Variants in SPATS2L observed in about 807,000 individuals in gnomAD.
The protein encoded by SPATS2L is spermatogenesis associated serine rich 2 like.
In SPATS2L, 30 loss-of-function variants were observed where a neutral mutation model predicts 59.6. The ratio of observed to expected loss-of-function variants is 0.50; its 90% CI spans 0.38 to 0.68. SPATS2L has a LOEUF of 0.68. Among genes scored for constraint, SPATS2L ranks in the 30% least tolerant of loss-of-function variants. SPATS2L has a pLI of 0.00. For synonymous variants in SPATS2L, 252 were observed against 263.5 expected (o/e 0.96, Z 0.42); for missense variants, 615 against 700.0 (o/e 0.88, Z 1.37).
At chr2:200,347,736 G>A (rs2080565381) in intron 2 of SPATS2L, among the ~76,000 whole-genome samples, 1 of 152,190 alleles carries the variant, frequency 6.6e-6, no homozygotes, top group African/African-American at 2.4e-5. Context: ...ACCCCACCAA[G>A]TATGCCAGTT....
rs529634708 is a variant in SPATS2L, at chr2:200,435,534, C to A, written c.446-3588C>A. ...CGAGGCTCCCTACAACTGGAAGGGC[C>A]GTAGGCATGCATAGCACTGAAGTAA... is the stretch of plus-strand genomic sequence containing the variant. On this transcript the variant is annotated intron_variant, in intron 6 of 12. Transcript: ENST00000409140. Among the ~76,000 whole-genome samples, 3 of 152,098 alleles carry A rather than the reference C, an allele frequency of 2.0e-5. No homozygotes were observed. In the South Asian group the frequency reaches 6.2e-4, roughly 32 times the overall value.
chr2:200,471,021 G>A (rs1370016166), intron 11 of SPATS2L, among the ~76,000 whole-genome samples: 1 of 152,040 alleles, frequency 6.6e-6, no homozygotes, highest in Non-Finnish European at 1.5e-5. Flanking sequence ...TTAGCTGGGC[G>A]TGGTGGCAGG....
intron 2 of SPATS2L, among the ~76,000 whole-genome samples, chr2:200,370,804 A>G (rs1160774764): frequency 6.6e-6 from 1 of 152,232 alleles, no homozygotes; most frequent in Non-Finnish European, 1.5e-5. Flanking sequence ...CTGTGTACTT[A>G]ATGGCATAAG....
At chr2:200,471,835 G>C (rs1458413378) in intron 11 of SPATS2L, among the ~76,000 whole-genome samples, 1 of 152,062 alleles carries the variant, frequency 6.6e-6, no homozygotes, top group African/African-American at 2.4e-5. Context: ...CAGAACCCTG[G>C]GATTAAATCT....
At chr2:200,328,294 G>A (rs1352567468) in intron 1 of SPATS2L, among the ~76,000 whole-genome samples, 1 of 152,146 alleles carries the variant, frequency 6.6e-6, no homozygotes, top group Non-Finnish European at 1.5e-5. Context: ...AGTGTAGGCT[G>A]TGTCCTGTGT....
intron 2 of SPATS2L, among the ~76,000 whole-genome samples, chr2:200,382,208 G>A (rs2081839317): frequency 6.6e-6 from 1 of 152,004 alleles, no homozygotes; most frequent in African/African-American, 2.4e-5. Context: ...CCCAGTACCT[G>A]GGACTACAAA....
chr2:200,431,076 G>A (rs2083900709), intron 6 of SPATS2L, among the ~76,000 whole-genome samples: 1 of 152,126 alleles, frequency 6.6e-6, no homozygotes, highest in Non-Finnish European at 1.5e-5. Context: ...ATAGATTTGT[G>A]TGAACAACCA....
intron 6 of SPATS2L, among the ~76,000 whole-genome samples, chr2:200,435,959 T>G (rs1003184195): frequency 1.3e-5 from 2 of 152,208 alleles, no homozygotes; most frequent in African/African-American, 4.8e-5. Context: ...AAAGTAATAT[T>G]TTAAATTTTT....
intron 8 of SPATS2L, among the ~76,000 whole-genome samples, chr2:200,447,474 T>C (rs1036901806): frequency 6.6e-6 from 1 of 152,214 alleles, no homozygotes; most frequent in East Asian, 1.9e-4. Context: ...ATATATACTT[T>C]AACAGGTAAG....
Position 200,439,315 on chromosome 2 carries a change from G to A in SPATS2L, c.639G>A (p.Leu213=), listed in dbSNP as rs761513158. 1.6e-5 allele frequency: 25 copies of A among 1,612,846 alleles called. No homozygotes were observed. The highest frequency in any genetic ancestry group is 2.0e-5 in the Non-Finnish European group (24 of 1,179,224). ...ATCTTGAAATAAAGCCAGATGAGTT[G>A]GCAAAGAAAAGAGGTAAAGTGATTT... ...AAHLEIKPDE[L]AKKRGPNIEK... Residue 213 remains leucine (L), a synonymous_variant, in exon 7 of 13, where the codon TTG becomes TTA. Coordinates refer to ENST00000409140, the MANE Select transcript of SPATS2L (RefSeq NM_001100423.2).
At position 200,343,464 on chromosome 2, in the gene SPATS2L, T is replaced by G. The variant is rs568953283; in HGVS notation, c.-23+13984T>G. On this transcript the variant is annotated intron_variant, in intron 2 of 12. Coordinates refer to ENST00000409140, the MANE Select transcript of SPATS2L (RefSeq NM_001100423.2). Reference sequence around the variant, plus strand: ...TTCTCTTCATGTAGTACTAAGCTGATCATAACACTTGATAGGCAAGTAACT... The same window carrying G: ...TTCTCTTCATGTAGTACTAAGCTGAGCATAACACTTGATAGGCAAGTAACT... Among the ~76,000 whole-genome samples, 6 of 152,350 alleles carry G rather than the reference T, an allele frequency of 3.9e-5. No homozygotes were observed. The South Asian group carries it at 1.2e-3, about 32-fold the overall frequency.
At chr2:200,399,787 A>G (rs1025644364) in intron 3 of SPATS2L, among the ~76,000 whole-genome samples, 61 of 152,338 alleles carry the variant, frequency 4.0e-4, no homozygotes, top group African/African-American at 1.4e-3. Context: ...GGCTTCCTCT[A>G]CACCACAGTG....
chr2:200,306,022 G>A (rs757395708), upstream of SPATS2L: 137 of 985,188 alleles, frequency 1.4e-4, no homozygotes, highest in South Asian at 2.3e-4. Flanking sequence ...ATGCCCATGT[G>A]TAACTTGGTT....
At chr2:200,383,475 C>T (rs2081892240) in intron 2 of SPATS2L, among the ~76,000 whole-genome samples, 1 of 152,206 alleles carries the variant, frequency 6.6e-6, no homozygotes, top group African/African-American at 2.4e-5. Flanking sequence ...AGACTAGCCA[C>T]ATTCAAATCT....
chr2:200,347,309 A>G (rs1314498057), intron 2 of SPATS2L, among the ~76,000 whole-genome samples: 1 of 152,178 alleles, frequency 6.6e-6, no homozygotes, highest in Non-Finnish European at 1.5e-5. Flanking sequence ...AGGGGTAGCC[A>G]ACACAGAGAT....
chr2:200,308,599 A>T (rs761982307), intron 1 of SPATS2L, among the ~76,000 whole-genome samples: 1 of 152,132 alleles, frequency 6.6e-6, no homozygotes, highest in Non-Finnish European at 1.5e-5. Context: ...AAACATGTCA[A>T]ATTCTGTATC....
chr2:200,358,970 T>C (rs1198617064), intron 2 of SPATS2L, among the ~76,000 whole-genome samples: 1 of 141,834 alleles, frequency 7.1e-6, no homozygotes, highest in Admixed American at 7.3e-5. Flanking sequence ...CTGGACAACA[T>C]GACAGAGTGA....
Position 200,459,835 on chromosome 2 carries a change from G to A in SPATS2L, c.847+8G>A, listed in dbSNP as rs1172287203. 3.8e-6 allele frequency: 6 copies of A among 1,598,902 alleles called. No individual in the cohort carries two copies. The highest frequency in any genetic ancestry group is 1.3e-5 in the African/African-American group (1 of 74,676). ...AAGTTAAAGAAGAAGCCAGTAAGTA[G>A]ACAACACATGGTTATTTGATTAGGA... On this transcript the variant is annotated splice_region_variant and intron_variant, in intron 9 of 12. Coordinates refer to ENST00000409140, the MANE Select transcript of SPATS2L (RefSeq NM_001100423.2).
Position 200,467,243 on chromosome 2 carries a change from A to G in SPATS2L, c.848-47A>G, listed in dbSNP as rs769788385. The G allele has an allele frequency of 4.5e-5, 56 of 1,236,172 alleles. 1 individual carries two copies. In the South Asian group the frequency reaches 5.3e-4, roughly 12 times the overall value. The allele number at this position is 1,236,172 out of a possible 1,614,324, so 76.6% of individuals were successfully genotyped here. ...ATTCCAAGAAATTAGGTTATTTAAT[A>G]TGTTTCAATCTCTGGCCCTAATGTA... On this transcript the variant is annotated intron_variant, in intron 9 of 12. Coordinates refer to ENST00000409140, the MANE Select transcript of SPATS2L (RefSeq NM_001100423.2).
Sources: allele counts gnomAD v4.1 joint callset (sites outside exome capture counted in the v4.1 genomes callset), GRCh38; gene constraint gnomAD v4.1.1; transcripts MANE v1.5; gene names NCBI Gene and HGNC (gene_info 2026-07-23, HGNC 2026-07-21).